Variants in VCAN observed in about 807,000 individuals in gnomAD.
VCAN encodes versican core protein.
A neutral mutation model predicts 245.5 loss-of-function variants in VCAN; 44 were observed. The observed-to-expected ratio is 0.18, with a 90% CI of 0.14 to 0.23. The LOEUF (loss-of-function observed/expected upper bound fraction) is 0.23, where lower values mean the gene tolerates loss of function less well. Among genes scored for constraint, VCAN ranks in the 10% least tolerant of loss-of-function variants. The pLI, the probability that VCAN is intolerant of heterozygous loss-of-function variation, is 1.00. For synonymous variants in VCAN, 1,413 were observed against 1,437.0 expected, an observed-to-expected ratio of 0.98 and a Z score of 0.38; for missense variants, 3,793 against 4,057.9, an observed-to-expected ratio of 0.93 and a Z score of 1.77.
rs754532087 is a variant in VCAN at position 83,537,822 on chromosome 5, C to G, written c.4819C>G (p.Pro1607Ala). 6.2e-7 allele frequency: 1 copy of G among 1,614,028 alleles called. No homozygotes were observed. Among genetic ancestry groups the G allele is most frequent in the Admixed American group, 1.7e-5 (1 of 59,972 alleles). Residue 1607 changes from proline (P) to alanine (A), a missense_variant, in exon 8 of 15, where the codon CCT (proline) becomes GCT (alanine). By Grantham distance (27) the Pro-to-Ala change is conservative (BLOSUM62 -1). Coordinates refer to ENST00000265077, the MANE Select transcript of VCAN (RefSeq NM_004385.5). ...EEEAVTLIGN[P>A]WPDDLLSTKE... is the part of the protein sequence containing the mutation. ...AGAAGCAGTTACCCTAATAGGAAAT[C>G]CTTGGCCAGATGACCTGTTGTCTAC... is the stretch of plus-strand genomic sequence containing the variant.
intron 7 of VCAN, among the ~76,000 whole-genome samples, chr5:83,533,210 T>C: frequency 6.6e-6 from 1 of 152,178 alleles, no homozygotes; most frequent in East Asian, 1.9e-4. Flanking sequence ...AAGATGAAAC[T>C]GCATAATACA....
At chr5:83,506,264 CTT>C (rs1745481339) in intron 5 of VCAN, among the ~76,000 whole-genome samples, 1 of 152,164 alleles carries the variant, frequency 6.6e-6, no homozygotes, top group African/African-American at 2.4e-5. Context: ...TTTTTCAAAA[CTT>C]TTTTGCTCTG....
At chr5:83,510,862 T>G (rs184929652) in intron 5 of VCAN, among the ~76,000 whole-genome samples, 51 of 152,244 alleles carry the variant, frequency 3.3e-4, no homozygotes, top group Non-Finnish European at 5.0e-4. Flanking sequence ...CTTTAACCAA[T>G]CTCACCACTT....
intron 1 of VCAN, among the ~76,000 whole-genome samples, chr5:83,480,697 T>G (rs1744584337): frequency 6.6e-6 from 1 of 152,172 alleles, no homozygotes. Context: ...CAGAGGAGAT[T>G]AGACATGTTT....
intron 1 of VCAN, among the ~76,000 whole-genome samples, chr5:83,473,302 C>A (rs772168857): frequency 7.9e-5 from 12 of 152,150 alleles, no homozygotes; most frequent in Non-Finnish European, 1.0e-4. Flanking sequence ...AGTGTCATAG[C>A]CTAAACTATT....
chr5:83,553,322 G>T, intron 10 of VCAN, 42 bp from the exon 11 acceptor site: 1 of 1,612,788 alleles, frequency 6.2e-7, no homozygotes, highest in South Asian at 1.1e-5. Flanking sequence ...AAGTTTGAAT[G>T]ACGTATGTGC....
intron 5 of VCAN, among the ~76,000 whole-genome samples, chr5:83,507,451 T>C (rs551001282): frequency 6.6e-6 from 1 of 152,354 alleles, no homozygotes; most frequent in African/African-American, 2.4e-5. Flanking sequence ...GAAAGAACTT[T>C]TATTATTCAC....
Position 83,540,688 on chromosome 5 carries a change from C to A in VCAN, c.7685C>A (p.Thr2562Asn), listed in dbSNP as rs1433049885. The change falls in exon 8 of 15, where the codon ACC becomes AAC. Residue 2562 changes from threonine to asparagine, a missense_variant. Coordinates refer to ENST00000265077, the MANE Select transcript of VCAN (RefSeq NM_004385.5). ...KDLILTITESTILEILPELTS... is the reference protein window; with the variant it reads ...KDLILTITESNILEILPELTS... ...TTAATATTGACAATTACAGAGAGTACCATCCTTGAAATTCTACCTGAGCTG... is the reference window on the plus strand; with the variant it reads ...TTAATATTGACAATTACAGAGAGTAACATCCTTGAAATTCTACCTGAGCTG... 1 of 1,613,912 alleles carries A rather than the reference C, an allele frequency of 6.2e-7. No individual in the cohort carries two copies. Among genetic ancestry groups the A allele is most frequent in the Non-Finnish European group, 8.5e-7 (1 of 1,179,940 alleles).
chr5:83,551,204 A>G (rs1431375763), intron 10 of VCAN, among the ~76,000 whole-genome samples: 2 of 152,012 alleles, frequency 1.3e-5, no homozygotes, highest in Non-Finnish European at 2.9e-5. Context: ...ATACTTAATG[A>G]TAAACTATTT....
chr5:83,498,440 ACCATTAATG>A (rs1745227482), intron 5 of VCAN, among the ~76,000 whole-genome samples: 1 of 152,180 alleles, frequency 6.6e-6, no homozygotes, highest in Admixed American at 6.5e-5. Flanking sequence ...TAACTTCTAA[ACCATTAATG>A]CCTCCCTACT....
chr5:83,510,763 T>C (rs1260839291), intron 5 of VCAN, among the ~76,000 whole-genome samples: 2 of 152,214 alleles, frequency 1.3e-5, no homozygotes, highest in Admixed American at 1.3e-4. Context: ...TAAATGATAA[T>C]GAATATACCC....
At position 83,521,136 on chromosome 5, in the gene VCAN, G is replaced by T. The variant is rs1157967389; in HGVS notation, c.2830G>T (p.Ala944Ser). 1.2e-6 allele frequency: 2 copies of T among 1,614,088 alleles called. No individual in the cohort carries two copies. The highest frequency in any genetic ancestry group is 1.7e-6 in the Non-Finnish European group (2 of 1,179,968). ...GCCAGTATCTACTGTTCCCCAATTT[G>T]CACACACTTCAGAGGTGGAAGGATT... ...SKPVSTVPQFAHTSEVEGLAF... is the reference protein window; with the variant it reads ...SKPVSTVPQFSHTSEVEGLAF... The change falls in exon 7 of 15, where the codon GCA becomes TCA. Residue 944 changes from alanine (A) to serine (S), a missense_variant. Ala to Ser is a moderately conservative substitution (Grantham distance 99). Coordinates refer to ENST00000265077, the MANE Select transcript of VCAN (RefSeq NM_004385.5).
rs1746427914 is a variant in VCAN, at chr5:83,529,299, A to C, written c.4003+6990A>C. The stretch of plus-strand genomic sequence containing the variant: ...AGGCACTCTGTATCCACAATTCTGC[A>C]TCCTCTGATTTGACCAAACATGGAT... On this transcript the variant is annotated intron_variant, in intron 7 of 14. Transcript: ENST00000265077. Among the ~76,000 whole-genome samples, 5 of 150,972 alleles carry C rather than the reference A, an allele frequency of 3.3e-5. No homozygotes were observed. The South Asian group carries it at 1.0e-3, about 32-fold the overall frequency.
rs1464359196 is a variant in VCAN at position 83,539,004 on chromosome 5, T to C, written c.6001T>C (p.Trp2001Arg). The C allele has an allele frequency of 6.2e-7, 1 of 1,613,880 alleles. No homozygotes were observed. Among genetic ancestry groups the C allele is most frequent in the Non-Finnish European group, 8.5e-7 (1 of 1,179,948 alleles). ...CATGGTCAGCACTTCAGCCTTCCCCTGGGAAGAGTTTACATCCTCAGCTGA... is the reference window on the plus strand; with the variant it reads ...CATGGTCAGCACTTCAGCCTTCCCCCGGGAAGAGTTTACATCCTCAGCTGA... ...STMVSTSAFP[W>R]EEFTSSAEGS... Residue 2001 changes from tryptophan to arginine, a missense_variant, in exon 8 of 15, where the codon TGG becomes CGG. By Grantham distance (101) the Trp-to-Arg change is moderately radical. This residue lies in a region of VCAN where 3,182 missense variants were observed against 3,250.3 expected (regional missense o/e 0.98). Transcript: ENST00000265077.
chr5:83,519,345 C>T lies in VCAN; in HGVS notation c.1043-4C>T. On this transcript the variant is annotated splice_polypyrimidine_tract_variant and splice_region_variant and intron_variant, in intron 6 of 14. Transcript: ENST00000265077. The stretch of plus-strand genomic sequence containing the variant: ...TAATCAACTCTTTGAAATTATTTTT[C>T]TAGCTAAAGAGGCTACAACCATCGA... 1 of 1,613,364 alleles carries T rather than the reference C, an allele frequency of 6.2e-7. No homozygotes were observed. The highest frequency in any genetic ancestry group is 1.7e-5 in the Admixed American group (1 of 59,912).
At position 83,539,208 on chromosome 5, in the gene VCAN, A is replaced by G. The variant is rs772019229; in HGVS notation, c.6205A>G (p.Thr2069Ala). 3.1e-6 allele frequency: 5 copies of G among 1,614,020 alleles called. No homozygotes were observed. The highest frequency in any genetic ancestry group is 3.4e-6 in the Non-Finnish European group (4 of 1,179,976). ...TILPTAEVEG[T>A]KAPVEKEEVK... Reference sequence around the variant, plus strand: ...TTTACCAACAGCAGAAGTGGAAGGTACGAAAGCTCCAGTAGAGAAGGAGGA... The same window carrying G: ...TTTACCAACAGCAGAAGTGGAAGGTGCGAAAGCTCCAGTAGAGAAGGAGGA... The change falls in exon 8 of 15, where the codon ACG becomes GCG. Residue 2069 changes from threonine (T) to alanine (A), a missense_variant. This residue lies in a region of VCAN where 3,182 missense variants were observed against 3,250.3 expected (regional missense o/e 0.98). Coordinates refer to ENST00000265077, the MANE Select transcript of VCAN (RefSeq NM_004385.5).
intron 8 of VCAN, among the ~76,000 whole-genome samples, chr5:83,543,743 T>C (rs1747092082): frequency 6.6e-6 from 1 of 152,188 alleles, no homozygotes; most frequent in Non-Finnish European, 1.5e-5. Flanking sequence ...GAATGAGAAA[T>C]ATGTACCAAT....
At position 83,539,863 on chromosome 5, in the gene VCAN, C is replaced by G; in HGVS notation, c.6860C>G (p.Thr2287Ser). ...EQINNTLYPHTSQVESTSSDK... is the reference protein window; with the variant it reads ...EQINNTLYPHSSQVESTSSDK... ...ATCAATAACACATTATATCCCCACA[C>G]TTCTCAAGTGGAAAGTACCTCAAGT... The change falls in exon 8 of 15, where the codon ACT becomes AGT. Residue 2287 changes from threonine to serine, a missense_variant. Coordinates refer to ENST00000265077, the MANE Select transcript of VCAN (RefSeq NM_004385.5). The G allele has an allele frequency of 6.2e-7, 1 of 1,614,084 alleles. No individual in the cohort carries two copies. Among genetic ancestry groups the G allele is most frequent in the South Asian group, 1.1e-5 (1 of 91,086 alleles).
Position 83,574,846 on chromosome 5 carries a change from T to C in VCAN, c.9880+2286T>C, listed in dbSNP as rs75477911. Among the ~76,000 whole-genome samples, 122 of 149,448 alleles carry C rather than the reference T, an allele frequency of 8.2e-4. No individual in the cohort carries two copies. The East Asian group carries it at 0.02, about 24-fold the overall frequency. On this transcript the variant is annotated intron_variant, in intron 13 of 14. Coordinates refer to ENST00000265077, the MANE Select transcript of VCAN (RefSeq NM_004385.5). ...TAATATAAATTTTATGAGAATTGTT[T>C]AGTTAACATTAAACAAGAAATATTT...
Sources: gnomAD v4.1 joint callset for allele counts (sites outside exome capture counted in the v4.1 genomes callset) on GRCh38, gnomAD v4.1.1 for gene constraint, gnomAD v4.1.1 regional missense constraint, MANE v1.5 for transcripts, NCBI Gene and HGNC (gene_info 2026-07-23, HGNC 2026-07-21) for gene names.